DIAPH1: variants seen among roughly 807,000 people sequenced by gnomAD.
DIAPH1 encodes diaphanous related formin 1, also known as protein diaphanous homolog 1.
In DIAPH1, 46 loss-of-function variants were observed where a neutral mutation model predicts 140.7. That is an observed-to-expected ratio of 0.33 (90% CI 0.26 to 0.42). DIAPH1 has a LOEUF of 0.42. DIAPH1 is among the 10% of genes least tolerant of loss of function. The pLI is 1.00. For synonymous variants in DIAPH1, 565 were observed against 551.6 expected, an observed-to-expected ratio of 1.02 and a Z score of -0.34; for missense variants, 1,310 against 1,558.7, an observed-to-expected ratio of 0.84 and a Z score of 2.69.
chr5:141,584,223 C>A lies in DIAPH1; in HGVS notation c.303G>T (p.Leu101=). 1 of 1,601,178 alleles carries A rather than the reference C, an allele frequency of 6.2e-7. No homozygotes were observed. The highest frequency in any genetic ancestry group is 8.6e-7 in the Non-Finnish European group (1 of 1,168,668). Residue 101 remains leucine (L), a splice_region_variant and synonymous_variant, in exon 4 of 28, where the codon CTG becomes CTT. Coordinates refer to ENST00000389054, the MANE Select transcript of DIAPH1 (RefSeq NM_005219.5). ...QVLVLFEQML[L]DMNLNEEKQQ... The stretch of plus-strand genomic sequence containing the variant: ...GTTTCTCCTCATTCAGGTTCATATC[C>A]AGCTAGGAGAGGGAGAAAAAAGAGA...
At chr5:141,554,409 A>G (rs544698158) in intron 18 of DIAPH1, among the ~76,000 whole-genome samples, 5 of 152,208 alleles carry the variant, frequency 3.3e-5, no homozygotes, top group Admixed American at 6.5e-5. Context: ...TCCTATAACC[A>G]TAAAAGAACT....
intron 18 of DIAPH1, among the ~76,000 whole-genome samples, chr5:141,562,893 C>T (rs1428911602): frequency 6.6e-6 from 1 of 152,146 alleles, no homozygotes; most frequent in South Asian, 2.1e-4. Context: ...CTTTTGTTCA[C>T]CCCAATCCTT....
At chr5:141,569,706 G>A (rs1406795489) in intron 18 of DIAPH1, among the ~76,000 whole-genome samples, 1 of 152,042 alleles carries the variant, frequency 6.6e-6, no homozygotes, top group Non-Finnish European at 1.5e-5. Context: ...AGGCTGCAGT[G>A]AGCACGATCG....
intron 18 of DIAPH1, among the ~76,000 whole-genome samples, chr5:141,541,394 T>C (rs1278330779): frequency 2.6e-5 from 4 of 152,028 alleles, no homozygotes; most frequent in Admixed American, 6.5e-5. Flanking sequence ...TATTTCTTTA[T>C]ATATACTTAA....
chr5:141,595,619 C>A (rs544739288), intron 1 of DIAPH1, among the ~76,000 whole-genome samples: 35 of 152,270 alleles, frequency 2.3e-4, no homozygotes, highest in African/African-American at 8.2e-4. Flanking sequence ...TGTCCTGCCA[C>A]CCTTAGAAGG....
intron 7 of DIAPH1, among the ~76,000 whole-genome samples, chr5:141,581,556 G>C (rs2099896749): frequency 6.6e-6 from 1 of 152,170 alleles, no homozygotes; most frequent in Admixed American, 6.5e-5. Flanking sequence ...AATGGAATAA[G>C]TTAATTATAA....
At chr5:141,554,086 C>A (rs2099892174) in intron 18 of DIAPH1, among the ~76,000 whole-genome samples, 1 of 152,086 alleles carries the variant, frequency 6.6e-6, no homozygotes, top group Non-Finnish European at 1.5e-5. Context: ...TGAGATCAGC[C>A]TCACCAACAT....
intron 1 of DIAPH1, among the ~76,000 whole-genome samples, chr5:141,611,404 GAA>G (rs1365286961): frequency 1.3e-5 from 2 of 152,226 alleles, no homozygotes; most frequent in East Asian, 3.9e-4. Flanking sequence ...TTAGGAAAAT[GAA>G]AAGACAGCCA....
chr5:141,553,729 A>T (rs945766816), intron 18 of DIAPH1, among the ~76,000 whole-genome samples: 71 of 152,314 alleles, frequency 4.7e-4, no homozygotes, highest in South Asian at 8.3e-4. Flanking sequence ...GTACCTATTT[A>T]AAAAAATTAG....
chr5:141,560,364 C>T (rs1360269320), intron 18 of DIAPH1, among the ~76,000 whole-genome samples: 1 of 152,188 alleles, frequency 6.6e-6, no homozygotes, highest in Non-Finnish European at 1.5e-5. Flanking sequence ...TCTTGCCACT[C>T]CCTTTCACTA....
chr5:141,526,854 G>A lies in DIAPH1; in HGVS notation c.3274-393C>T, dbSNP rs536695018. On this transcript the variant is annotated intron_variant, in intron 24 of 27. Coordinates refer to ENST00000389054, the MANE Select transcript of DIAPH1 (RefSeq NM_005219.5). ...TGGAACTACAGGCGCGCACCATCAC[G>A]CCCAGCTGATTTTTTTGTATTTTTA... 2.1e-4 allele frequency among the ~76,000 whole-genome samples: 19 copies of A among 92,474 alleles called. No individual in the cohort carries two copies. The South Asian group carries it at 5.8e-3, about 28-fold the overall frequency. The allele number at this position is 92,474 out of a possible 152,430, so 60.7% of individuals were successfully genotyped here.
rs2099895752 is a variant in DIAPH1, at chr5:141,575,041, G to A, written c.1567C>T (p.Leu523=). The A allele has an allele frequency of 6.2e-7, 1 of 1,614,062 alleles. No individual in the cohort carries two copies. The highest frequency in any genetic ancestry group is 1.3e-5 in the African/African-American group (1 of 74,928). Residue 523 remains leucine (L), a synonymous_variant, in exon 15 of 28, where the codon CTG becomes TTG. Transcript: ENST00000389054. ...GCAATTTGCTGCTTTTCAGAATGCAGTGCATCTTTTTCTCCCTGAAGATCT... is the reference window on the plus strand; with the variant it reads ...GCAATTTGCTGCTTTTCAGAATGCAATGCATCTTTTTCTCCCTGAAGATCT... ...LQDLQGEKDA[L]HSEKQQIATE...
chr5:141,558,689 T>C (rs2099893033), intron 18 of DIAPH1, among the ~76,000 whole-genome samples: 1 of 149,846 alleles, frequency 6.7e-6, no homozygotes, highest in African/African-American at 2.5e-5. Context: ...TCCATTATCT[T>C]TATCTTACGC....
chr5:141,519,102 C>G, intron 27 of DIAPH1: 1 of 1,039,842 alleles, frequency 9.6e-7, no homozygotes. Flanking sequence ...TTCACAAAAC[C>G]ATTTATTGGA....
chr5:141,612,572 C>G (rs1450782932), intron 1 of DIAPH1, among the ~76,000 whole-genome samples: 3 of 152,134 alleles, frequency 2.0e-5, no homozygotes, highest in Non-Finnish European at 4.4e-5. Flanking sequence ...ATATAAAATT[C>G]TAGAAAACAC....
In DIAPH1 at chr5:141,587,083, C is replaced by T. The variant is rs368889655; in HGVS notation, c.259G>A (p.Val87Ile). The T allele has an allele frequency of 1.5e-5, 24 of 1,614,040 alleles. No homozygotes were observed. The African/African-American group carries it at 2.8e-4, about 19-fold the overall frequency. ...DDPTAQSLQD[V>I]SDEQVLVLFE... ...AGAACCAGCACTTGTTCATCTGAAA[C>T]ATCTTGCAATGACTGTGCTGTGGGA... Residue 87 changes from valine (V) to isoleucine (I), a missense_variant, in exon 3 of 28, where the codon GTT (valine) becomes ATT (isoleucine). Physicochemically the swap from Val to Ile is conservative, Grantham distance 29 (BLOSUM62 3). This residue lies in a region of DIAPH1 where 377 missense variants were observed against 497.1 expected (regional missense o/e 0.76). Coordinates refer to ENST00000389054, the MANE Select transcript of DIAPH1 (RefSeq NM_005219.5).
intron 27 of DIAPH1, among the ~76,000 whole-genome samples, chr5:141,517,934 C>T (rs957131260): frequency 6.6e-6 from 1 of 152,210 alleles, no homozygotes; most frequent in Non-Finnish European, 1.5e-5. Flanking sequence ...AGGAAGGCCA[C>T]TCCTTGAGAC....
At chr5:141,607,247 G>A (rs1484510084) in intron 1 of DIAPH1, among the ~76,000 whole-genome samples, 2 of 151,946 alleles carry the variant, frequency 1.3e-5, no homozygotes, top group Admixed American at 6.5e-5. Flanking sequence ...AAACAACAGG[G>A]CCCAAAGATA....
chr5:141,611,951 C>A (rs918513568), intron 1 of DIAPH1, among the ~76,000 whole-genome samples: 2 of 152,166 alleles, frequency 1.3e-5, no homozygotes, highest in Non-Finnish European at 2.9e-5. Flanking sequence ...CCTGTAATCC[C>A]AGCTACTCAG....
Sources: allele counts gnomAD v4.1 joint callset (sites outside exome capture counted in the v4.1 genomes callset), GRCh38; gene constraint gnomAD v4.1.1; regional missense constraint gnomAD v4.1.1; transcripts MANE v1.5; gene names NCBI Gene and HGNC (gene_info 2026-07-23, HGNC 2026-07-21).